The following SEMA6D variants were observed in gnomAD, a reference collection of about 807,000 sequenced individuals.
SEMA6D encodes the protein semaphorin 6D.
SEMA6D carries 35 observed loss-of-function variants against 106.6 expected under a neutral mutation model. The ratio of observed to expected loss-of-function variants is 0.33; its 90% CI spans 0.25 to 0.44. The LOEUF (loss-of-function observed/expected upper bound fraction) is 0.44. Ranked by LOEUF, SEMA6D falls within the 20% of genes least tolerant of loss-of-function variation. The pLI, the probability that SEMA6D is intolerant of heterozygous loss-of-function variation, is 1.00. For missense variants in SEMA6D, 1,185 were observed against 1,345.9 expected (o/e 0.88, Z 1.87); for synonymous variants, 499 against 487.7 (o/e 1.02, Z -0.31).
At chr15:47,590,492 C>T (rs1318454649) in intron 3 of SEMA6D, among the ~76,000 whole-genome samples, 1 of 151,660 alleles carries the variant, frequency 6.6e-6, no homozygotes, top group African/African-American at 2.4e-5. Context: ...GTCAAACCTG[C>T]ACTTTGTGCA....
chr15:47,268,522 G>A (rs1330845429), intron 1 of SEMA6D, among the ~76,000 whole-genome samples: 2 of 152,074 alleles, frequency 1.3e-5, no homozygotes, highest in Non-Finnish European at 2.9e-5. Context: ...GTAGTAGTGG[G>A]TTCAGATCTT....
At chr15:47,755,109 G>A (rs960690043) in intron 1 of SEMA6D, among the ~76,000 whole-genome samples, 1 of 151,912 alleles carries the variant, frequency 6.6e-6, no homozygotes, top group Non-Finnish European at 1.5e-5. Flanking sequence ...GCACCACCAT[G>A]CCTGGCTAAT....
In SEMA6D at chr15:47,771,936, C is replaced by A; in HGVS notation, c.*151C>A. The A allele has an allele frequency of 2.6e-6, 2 of 767,530 alleles. No homozygotes were observed. The highest frequency in any genetic ancestry group is 2.1e-6 in the Non-Finnish European group (1 of 477,444). The allele number at this position is 767,530 out of a possible 1,614,324, so 47.5% of individuals were successfully genotyped here. A position where few individuals can be genotyped will look rare whatever the true frequency, so the allele number is the denominator to read the frequency against. ...CTTTCTAACTTTGGCAACATCAGAACTTGCCACATGTAGCTACTGCAGCAA... is the reference window on the plus strand; with the variant it reads ...CTTTCTAACTTTGGCAACATCAGAAATTGCCACATGTAGCTACTGCAGCAA... On this transcript the variant is annotated 3_prime_UTR_variant, in exon 19 of 19. Coordinates refer to ENST00000536845, the MANE Select transcript of SEMA6D (RefSeq NM_001358351.3).
intron 1 of SEMA6D, among the ~76,000 whole-genome samples, chr15:47,270,283 A>G (rs372529903): frequency 1.3e-5 from 2 of 150,912 alleles, no homozygotes; most frequent in South Asian, 2.1e-4. Flanking sequence ...TAATTATGAT[A>G]GTATATAAAA....
At chr15:47,285,566 G>A (rs1274426722) in intron 1 of SEMA6D, among the ~76,000 whole-genome samples, 1 of 151,682 alleles carries the variant, frequency 6.6e-6, no homozygotes, top group Non-Finnish European at 1.5e-5. Flanking sequence ...AACCCCTGTT[G>A]TTTATCATCT....
At chr15:47,370,951 T>C (rs752054831) in intron 1 of SEMA6D, among the ~76,000 whole-genome samples, 5 of 152,214 alleles carry the variant, frequency 3.3e-5, no homozygotes, top group Non-Finnish European at 7.3e-5. Flanking sequence ...AAGGGAATGA[T>C]GTAGTTCAGG....
chr15:47,567,265 T>A (rs1382063558), intron 3 of SEMA6D, among the ~76,000 whole-genome samples: 1 of 152,180 alleles, frequency 6.6e-6, no homozygotes, highest in African/African-American at 2.4e-5. Flanking sequence ...AAATTTTACA[T>A]TGGAAACCCT....
Position 47,649,073 on chromosome 15 carries a change from AT to A in SEMA6D, c.-55+48178del, listed in dbSNP as rs778228265. On this transcript the variant is annotated intron_variant, in intron 4 of 19. Coordinates refer to the SEMA6D transcript ENST00000558014. ...CCACTTTCAATGGGCCTATTTTAAT[AT>A]GTAATATTGAAGTCATGACCATAAA... 3.9e-5 allele frequency among the ~76,000 whole-genome samples: 6 copies of A among 152,288 alleles called. No individual in the cohort carries two copies. The South Asian group carries it at 6.2e-4, about 16-fold the overall frequency.
intron 2 of SEMA6D, among the ~76,000 whole-genome samples, chr15:47,422,460 A>T (rs1433008993): frequency 6.6e-6 from 1 of 152,048 alleles, no homozygotes; most frequent in Non-Finnish European, 1.5e-5. Context: ...GAAAAAGAGA[A>T]TATATTCTGC....
At chr15:47,546,764 A>T (rs910802745) in intron 3 of SEMA6D, among the ~76,000 whole-genome samples, 1 of 151,790 alleles carries the variant, frequency 6.6e-6, no homozygotes, top group Non-Finnish European at 1.5e-5. Flanking sequence ...CTACTGGACC[A>T]TTCATATTCA....
intron 1 of SEMA6D, among the ~76,000 whole-genome samples, chr15:47,201,628 T>C (rs1894732139): frequency 6.6e-6 from 1 of 152,030 alleles, no homozygotes; most frequent in South Asian, 2.1e-4. Flanking sequence ...TTTTATGCAG[T>C]CCCACAGATC....
intron 1 of SEMA6D, among the ~76,000 whole-genome samples, chr15:47,248,952 G>T (rs1181947845): frequency 1.3e-5 from 2 of 152,148 alleles, no homozygotes; most frequent in Non-Finnish European, 2.9e-5. Context: ...ACTAGGCCAG[G>T]CACGGTGGCT....
Position 47,654,715 on chromosome 15 carries a change from C to A in SEMA6D, c.-55+53819C>A, listed in dbSNP as rs1189120527. ...ATTTAAAACTGTGCGGCTCCTCCCC[C>A]CACTGCCTTTCTCTCTTGCTCCTGC... On this transcript the variant is annotated intron_variant, in intron 4 of 19. Transcript: ENST00000558014. Among the ~76,000 whole-genome samples the A allele has an allele frequency of 2.0e-5, 3 of 152,298 alleles. No homozygotes were observed. In the South Asian group the frequency reaches 6.2e-4, roughly 32 times the overall value.
intron 1 of SEMA6D, among the ~76,000 whole-genome samples, chr15:47,208,053 C>CTGT (rs1286930634): frequency 8.1e-6 from 1 of 124,114 alleles, no homozygotes; most frequent in Admixed American, 8.1e-5. Flanking sequence ...ACACACACTA[C>CTGT]TGTAACGGTT....
chr15:47,730,821 A>C, intron 1 of SEMA6D: 1 of 1,533,990 alleles, frequency 6.5e-7, no homozygotes, highest in South Asian at 1.1e-5. Context: ...GTCCAATGCC[A>C]AAATTCTTAG....
At chr15:47,448,701 C>G (rs146627990) in intron 2 of SEMA6D, among the ~76,000 whole-genome samples, 1 of 152,196 alleles carries the variant, frequency 6.6e-6, no homozygotes, top group Non-Finnish European at 1.5e-5. Context: ...AGTAAGGGTC[C>G]TACTTTAAAG....
At chr15:47,674,811 C>A (rs1398799955) in intron 4 of SEMA6D, among the ~76,000 whole-genome samples, 1 of 152,182 alleles carries the variant, frequency 6.6e-6, no homozygotes, top group Admixed American at 6.5e-5. Context: ...GACTATGGAA[C>A]TGACACCATT....
intron 1 of SEMA6D, among the ~76,000 whole-genome samples, chr15:47,310,852 A>G (rs1240530254): frequency 6.6e-6 from 1 of 152,208 alleles, no homozygotes; most frequent in East Asian, 1.9e-4. Context: ...TGTAAGTTCT[A>G]GTTCCTTCGT....
At position 47,342,255 on chromosome 15, in the gene SEMA6D, C is replaced by T. The variant is rs1232532327; in HGVS notation, c.-238-70138C>T. Among the ~76,000 whole-genome samples the T allele has an allele frequency of 7.2e-5, 11 of 152,282 alleles. No homozygotes were observed. The South Asian group carries it at 1.9e-3, about 26-fold the overall frequency. ...TTTGTCTTCTTTCCGCCTAAAAGTT[C>T]GTTGCCTGCACTGCAGCAGGGCAGT... On this transcript the variant is annotated intron_variant, in intron 1 of 19. Transcript: ENST00000558014.
Sources: gnomAD v4.1 joint callset for allele counts (sites outside exome capture counted in the v4.1 genomes callset) on GRCh38, gnomAD v4.1.1 for gene constraint, MANE v1.5 for transcripts, NCBI Gene and HGNC (gene_info 2026-07-23, HGNC 2026-07-21) for gene names.